The following PTPRN2 variants were observed in gnomAD, a reference collection of about 807,000 sequenced individuals.
PTPRN2 encodes the protein receptor-type tyrosine-protein phosphatase N2.
PTPRN2 carries 74 observed loss-of-function variants against 118.8 expected under a neutral mutation model. The ratio of observed to expected loss-of-function variants is 0.62; its 90% CI spans 0.52 to 0.76. PTPRN2 has a LOEUF of 0.76. Ranked by LOEUF, PTPRN2 falls within the 30% of genes least tolerant of loss-of-function variation. PTPRN2 has a pLI of 0.00. For synonymous variants in PTPRN2, 641 were observed against 608.0 expected (o/e 1.05, Z -0.80); for missense variants, 1,481 against 1,394.4 (o/e 1.06, Z -0.99).
At chr7:158,274,296 A>G (rs146510828) in intron 3 of PTPRN2, among the ~76,000 whole-genome samples, 4,400 of 122,090 alleles carry the variant, frequency 0.036, 178 homozygotes, top group Non-Finnish European at 0.045. Flanking sequence ...CAGACACAGG[A>G]GGAGACACAC....
intron 1 of PTPRN2, among the ~76,000 whole-genome samples, chr7:158,564,003 G>A (rs958601996): frequency 1.3e-5 from 2 of 152,198 alleles, no homozygotes; most frequent in Non-Finnish European, 2.9e-5. Context: ...CTGCTGGGAT[G>A]ATTAAACAAA....
intron 4 of PTPRN2, among the ~76,000 whole-genome samples, chr7:158,203,552 C>A (rs1474809761): frequency 6.6e-6 from 1 of 151,962 alleles, no homozygotes; most frequent in African/African-American, 2.4e-5. Context: ...TATGTGGCGC[C>A]CCTTTCCTCC....
At chr7:157,876,373 G>A (rs918934074) in intron 12 of PTPRN2, among the ~76,000 whole-genome samples, 4 of 152,202 alleles carry the variant, frequency 2.6e-5, no homozygotes, top group Admixed American at 6.5e-5. Flanking sequence ...AGCGGCCCCA[G>A]GACAGAGTCT....
At chr7:157,743,922 C>T (rs944186014) in intron 12 of PTPRN2, among the ~76,000 whole-genome samples, 4 of 152,184 alleles carry the variant, frequency 2.6e-5, no homozygotes, top group African/African-American at 9.7e-5. Flanking sequence ...CCACGGAAGT[C>T]GCAGCTCCCT....
intron 11 of PTPRN2, among the ~76,000 whole-genome samples, chr7:157,951,449 C>T (rs1406186291): frequency 1.3e-5 from 2 of 152,092 alleles, no homozygotes; most frequent in East Asian, 1.9e-4. Context: ...CCTTCAGTCC[C>T]CGGAGGCGCT....
chr7:158,525,512 T>A lies in PTPRN2; in HGVS notation c.113-35727A>T, dbSNP rs1165169635. ...CTGGACACAGGCTCTGCAGAAATCCTGAGCTGGGGCCACCCCAGCCTCCCT... is the reference window on the plus strand; with the variant it reads ...CTGGACACAGGCTCTGCAGAAATCCAGAGCTGGGGCCACCCCAGCCTCCCT... On this transcript the variant is annotated intron_variant, in intron 1 of 22. Coordinates refer to ENST00000389418, the MANE Select transcript of PTPRN2 (RefSeq NM_002847.5). The surrounding 1 kb of genome is among the most constrained non-coding windows in gnomAD (Gnocchi z 4.1). Among the ~76,000 whole-genome samples, 1 of 152,212 alleles carries A rather than the reference T, an allele frequency of 6.6e-6. No individual in the cohort carries two copies. The highest frequency in any genetic ancestry group is 6.5e-5 in the Admixed American group (1 of 15,288).
intron 1 of PTPRN2, among the ~76,000 whole-genome samples, chr7:158,503,547 GCAC>G (rs1797094284): frequency 2.6e-5 from 4 of 152,222 alleles, no homozygotes; most frequent in Admixed American, 1.3e-4. Flanking sequence ...GGCAGAGCCG[GCAC>G]CACAAGAATG....
chr7:157,685,734 G>C (rs1438619356), intron 12 of PTPRN2, among the ~76,000 whole-genome samples: 1 of 152,200 alleles, frequency 6.6e-6, no homozygotes, highest in Non-Finnish European at 1.5e-5. Flanking sequence ...TTTACTCAAA[G>C]GTCAAAGAAA....
chr7:158,125,482 T>C (rs1817579821), intron 9 of PTPRN2, among the ~76,000 whole-genome samples: 1 of 152,086 alleles, frequency 6.6e-6, no homozygotes, highest in Non-Finnish European at 1.5e-5. Context: ...TCTTCCTCTT[T>C]TTCCTGCCCC....
intron 11 of PTPRN2, among the ~76,000 whole-genome samples, chr7:158,070,807 G>GTA (rs1811294138): frequency 1.6e-5 from 2 of 126,168 alleles, no homozygotes; most frequent in Non-Finnish European, 1.6e-5. Flanking sequence ...GGTGCCCGTG[G>GTA]TGGTGAAGGT....
chr7:158,063,672 A>G (rs1810533622), intron 11 of PTPRN2, among the ~76,000 whole-genome samples: 1 of 152,210 alleles, frequency 6.6e-6, no homozygotes, highest in Admixed American at 6.5e-5. Flanking sequence ...CGAGACCACG[A>G]ACCCACCAGA....
At chr7:157,554,801 C>T (rs1798798679) in intron 21 of PTPRN2, among the ~76,000 whole-genome samples, 1 of 152,276 alleles carries the variant, frequency 6.6e-6, no homozygotes, top group South Asian at 2.1e-4. Flanking sequence ...GGAGAAGTCC[C>T]AGGCGTTTTC....
At position 157,787,708 on chromosome 7, in the gene PTPRN2, G is replaced by A. The variant is rs1804157700; in HGVS notation, c.1789-104771C>T. ...GGGAGACGGGGTGGTGTTTGAGCTG[G>A]TGCCATCTGGGTCCCCTGGGGTGGT... On this transcript the variant is annotated intron_variant, in intron 12 of 22. Transcript: ENST00000389418. This position sits in a 1 kb window ranked among gnomAD's most constrained non-coding sequence, Gnocchi z 5.3. Among the ~76,000 whole-genome samples the A allele has an allele frequency of 6.6e-6, 1 of 152,162 alleles. No homozygotes were observed. The highest frequency in any genetic ancestry group is 1.5e-5 in the Non-Finnish European group (1 of 68,024).
rs1240351431 is a variant in PTPRN2 at position 158,081,278 on chromosome 7, G to A, written c.1723+20C>T. The A allele has an allele frequency of 6.2e-6, 10 of 1,603,528 alleles. No homozygotes were observed. Among genetic ancestry groups the A allele is most frequent in the South Asian group, 1.1e-5 (1 of 90,828 alleles). ...CACACACGTGTGTGTGCGTGTACGT[G>A]TGTGTGGAAACAGCCTCACCTGTGG... On this transcript the variant is annotated intron_variant, in intron 11 of 22. Transcript: ENST00000389418.
At chr7:158,258,867 G>A (rs979216082) in intron 3 of PTPRN2, among the ~76,000 whole-genome samples, 1 of 152,174 alleles carries the variant, frequency 6.6e-6, no homozygotes. Context: ...GCAGCCACGC[G>A]AGGTCTGTCC....
intron 14 of PTPRN2, among the ~76,000 whole-genome samples, chr7:157,651,998 C>A (rs908667408): frequency 1.3e-5 from 2 of 152,216 alleles, no homozygotes; most frequent in Non-Finnish European, 2.9e-5. Flanking sequence ...ACCTTCCCTG[C>A]GCCTGGGAGG....
At chr7:158,126,033 TTCCTCTCC>T (rs1817637060) in intron 9 of PTPRN2, among the ~76,000 whole-genome samples, 1 of 149,042 alleles carries the variant, frequency 6.7e-6, no homozygotes, top group Non-Finnish European at 1.5e-5. Flanking sequence ...GCGGCGGAAC[TTCCTCTCC>T]GCCACACCAG....
rs112943936 is a variant in PTPRN2, at chr7:157,963,585, A to G, written c.1724-64848T>C. Among the ~76,000 whole-genome samples, 66 of 152,344 alleles carry G rather than the reference A, an allele frequency of 4.3e-4. 1 individual carries two copies. Among genetic ancestry groups the G allele is most frequent in the African/African-American group, 1.5e-3 (64 of 41,564 alleles). On this transcript the variant is annotated intron_variant, in intron 11 of 22. Transcript: ENST00000389418. ...CACGTTCTCTGAGAATGTGTTCCAC[A>G]CATAAAGAATTTCCATAATGGCCAG...
At position 158,250,446 on chromosome 7, in the gene PTPRN2, C is replaced by T. The variant is rs186352160; in HGVS notation, c.278-45173G>A. On this transcript the variant is annotated intron_variant, in intron 3 of 22. Coordinates refer to ENST00000389418, the MANE Select transcript of PTPRN2 (RefSeq NM_002847.5). ...ATTGCACAGAACAGCAAAAGGGAAC[C>T]GGCCTCCCCATCCTCATCCCCTCTC... Among the ~76,000 whole-genome samples, 34 of 152,060 alleles carry T rather than the reference C, an allele frequency of 2.2e-4. No homozygotes were observed. The East Asian group carries it at 5.4e-3, about 24-fold the overall frequency.
Sources: gnomAD v4.1 joint callset for allele counts (sites outside exome capture counted in the v4.1 genomes callset) on GRCh38, gnomAD v4.1.1 for gene constraint, Gnocchi (gnomAD v3.1) non-coding constraint, MANE v1.5 for transcripts, NCBI Gene and HGNC (gene_info 2026-07-23, HGNC 2026-07-21) for gene names.